Variants in NRXN1 observed in about 807,000 individuals in gnomAD.
The protein encoded by NRXN1 is neurexin-1.
A neutral mutation model predicts 150.9 loss-of-function variants in NRXN1; 39 were observed. The observed-to-expected ratio is 0.26, with a 90% CI of 0.20 to 0.34. NRXN1 has a LOEUF of 0.34. NRXN1 is among the 10% of genes least tolerant of loss of function. The pLI is 1.00. For missense variants in NRXN1, 1,815 were observed against 1,949.9 expected (o/e 0.93, Z 1.30); for synonymous variants, 924 against 757.0 (o/e 1.22, Z -3.62).
At chr2:50,518,614 C>A (rs1171885537) in intron 12 of NRXN1, among the ~76,000 whole-genome samples, 1 of 150,300 alleles carries the variant, frequency 6.7e-6, no homozygotes, top group Non-Finnish European at 1.5e-5. Context: ...AACTGATATT[C>A]CATAAACGAA....
At chr2:50,407,727 G>A (rs1443188724) in intron 17 of NRXN1, among the ~76,000 whole-genome samples, 1 of 151,946 alleles carries the variant, frequency 6.6e-6, no homozygotes, top group Non-Finnish European at 1.5e-5. Context: ...CCTCACCTCA[G>A]GACTCTGTAG....
At chr2:50,821,460 A>G (rs1392919561) in intron 5 of NRXN1, among the ~76,000 whole-genome samples, 1 of 152,148 alleles carries the variant, frequency 6.6e-6, no homozygotes, top group Non-Finnish European at 1.5e-5. Flanking sequence ...TATGTGCTTA[A>G]ATCTTCCCAT....
chr2:50,907,231 C>T (rs1387614226), intron 5 of NRXN1, among the ~76,000 whole-genome samples: 1 of 151,834 alleles, frequency 6.6e-6, no homozygotes, highest in African/African-American at 2.4e-5. Flanking sequence ...GGATTTCCCC[C>T]CTCAGTCTAT....
At chr2:49,966,563 G>A (rs999027178) in intron 21 of NRXN1, 1 of 150,454 alleles carries the variant, frequency 6.6e-6, no homozygotes, top group Non-Finnish European at 1.5e-5. Context: ...CTAAAATCAT[G>A]AAATGTTAGA....
At chr2:50,990,100 A>G (rs546761673) in intron 2 of NRXN1, among the ~76,000 whole-genome samples, 2 of 152,076 alleles carry the variant, frequency 1.3e-5, no homozygotes, top group East Asian at 1.9e-4. Flanking sequence ...TGCCTTCCAT[A>G]TATCTTCTGT....
chr2:50,176,943 G>T (rs1432313241), intron 18 of NRXN1, among the ~76,000 whole-genome samples: 1 of 152,042 alleles, frequency 6.6e-6, no homozygotes. Context: ...TAAAAAGAAA[G>T]GGAAGAGTAA....
chr2:50,939,405 T>C (rs1394293863), intron 2 of NRXN1, among the ~76,000 whole-genome samples: 1 of 151,948 alleles, frequency 6.6e-6, no homozygotes, highest in African/African-American at 2.4e-5. Flanking sequence ...TTGTTTACAA[T>C]CTAAAAATCA....
intron 5 of NRXN1, among the ~76,000 whole-genome samples, chr2:50,791,491 C>T (rs1380118332): frequency 1.3e-5 from 2 of 152,186 alleles, no homozygotes; most frequent in Non-Finnish European, 1.5e-5. Context: ...TGCATATGGG[C>T]TCATCTTCTC....
Position 50,775,333 on chromosome 2 carries a change from T to G in NRXN1, c.832+146536A>C, listed in dbSNP as rs544687639. Among the ~76,000 whole-genome samples, 3 of 152,264 alleles carry G rather than the reference T, an allele frequency of 2.0e-5. No homozygotes were observed. In the South Asian group the frequency reaches 6.2e-4, roughly 32 times the overall value. On this transcript the variant is annotated intron_variant, in intron 5 of 22. Transcript: ENST00000401669. The stretch of plus-strand genomic sequence containing the variant: ...CTCAGCAACACTGTATTTTCCTTGC[T>G]TCTGTGCCATTCTAACAATTTCTTC...
At chr2:50,761,415 G>C (rs1701789677) in intron 5 of NRXN1, among the ~76,000 whole-genome samples, 1 of 151,724 alleles carries the variant, frequency 6.6e-6, no homozygotes, top group Non-Finnish European at 1.5e-5. Context: ...TTTTATAAAG[G>C]GCAGTTCCCC....
chr2:50,862,448 A>G (rs1421157444), intron 5 of NRXN1, among the ~76,000 whole-genome samples: 2 of 152,044 alleles, frequency 1.3e-5, no homozygotes, highest in Admixed American at 1.3e-4. Flanking sequence ...GATTTGGTGC[A>G]GTCATTTAAC....
intron 17 of NRXN1, among the ~76,000 whole-genome samples, chr2:50,305,719 A>G (rs1053516631): frequency 6.6e-6 from 1 of 152,200 alleles, no homozygotes; most frequent in African/African-American, 2.4e-5. Flanking sequence ...TCTCATTAAT[A>G]TTATCAAAGT....
intron 12 of NRXN1, among the ~76,000 whole-genome samples, chr2:50,510,707 C>T (rs989789698): frequency 5.3e-5 from 8 of 151,856 alleles, no homozygotes; most frequent in Middle Eastern, 3.4e-3. Flanking sequence ...AAGTGTTGAG[C>T]GAATTATTAA....
chr2:50,256,593 T>A (rs2067721060), intron 17 of NRXN1, among the ~76,000 whole-genome samples: 1 of 152,152 alleles, frequency 6.6e-6, no homozygotes, highest in African/African-American at 2.4e-5. Flanking sequence ...ATTCTTTCCA[T>A]TTATTCCTGA....
intron 17 of NRXN1, among the ~76,000 whole-genome samples, chr2:50,292,710 G>A (rs916784731): frequency 1.3e-5 from 2 of 152,162 alleles, no homozygotes; most frequent in Non-Finnish European, 2.9e-5. Flanking sequence ...CTTCAAAGGA[G>A]TAACTTTGAA....
chr2:50,592,239 T>C (rs1674392113), intron 8 of NRXN1, among the ~76,000 whole-genome samples: 1 of 152,192 alleles, frequency 6.6e-6, no homozygotes, highest in Non-Finnish European at 1.5e-5. Context: ...TTACAACCAA[T>C]AATTATTAAA....
intron 17 of NRXN1, among the ~76,000 whole-genome samples, chr2:50,368,381 G>C (rs964882781): frequency 6.6e-6 from 1 of 151,956 alleles, no homozygotes; most frequent in African/African-American, 2.4e-5. Flanking sequence ...GTATGAGGAA[G>C]ACCTAATTCT....
At chr2:49,942,418 G>A (rs535308681) in intron 22 of NRXN1, among the ~76,000 whole-genome samples, 9 of 152,128 alleles carry the variant, frequency 5.9e-5, no homozygotes, top group African/African-American at 9.6e-5. Flanking sequence ...CATACATCCC[G>A]ATTTGCTCTA....
chr2:50,774,797 T>C (rs1157929636), intron 5 of NRXN1, among the ~76,000 whole-genome samples: 1 of 152,122 alleles, frequency 6.6e-6, no homozygotes, highest in Non-Finnish European at 1.5e-5. Flanking sequence ...CCATAAATTT[T>C]TTCTTACCAT....
Sources: gnomAD v4.1 joint callset for allele counts (sites outside exome capture counted in the v4.1 genomes callset) on GRCh38, gnomAD v4.1.1 for gene constraint, MANE v1.5 for transcripts, NCBI Gene and HGNC (gene_info 2026-07-23, HGNC 2026-07-21) for gene names.